PAPPA: variants seen among roughly 807,000 people sequenced by gnomAD.
The protein encoded by PAPPA is pappalysin-1.
A neutral mutation model predicts 164.0 loss-of-function variants in PAPPA; 60 were observed. The observed-to-expected ratio is 0.37, with a 90% CI of 0.30 to 0.45. The LOEUF is 0.45. Ranked by LOEUF, PAPPA falls within the 20% of genes least tolerant of loss-of-function variation. The pLI is 1.00. For synonymous variants in PAPPA, 875 were observed against 814.1 expected, an observed-to-expected ratio of 1.07 and a Z score of -1.27; for missense variants, 1,782 against 2,087.3, an observed-to-expected ratio of 0.85 and a Z score of 2.85.
chr9:116,259,020 C>T (rs141507198), intron 7 of PAPPA, among the ~76,000 whole-genome samples: 1,945 of 152,154 alleles, frequency 0.013, 17 homozygotes, highest in East Asian at 0.046. Flanking sequence ...GTAATCCCAG[C>T]TACTTGGGAG....
At chr9:116,284,089 G>T (rs1045207404) in intron 9 of PAPPA, among the ~76,000 whole-genome samples, 1 of 152,104 alleles carries the variant, frequency 6.6e-6, no homozygotes, top group African/African-American at 2.4e-5. Flanking sequence ...TATGTGCCAG[G>T]TTCATGCTAG....
rs901732919 is a variant in PAPPA, at chr9:116,400,955, G to A, written c.*4339G>A. 4 of 152,612 alleles carry A rather than the reference G, an allele frequency of 2.6e-5. No homozygotes were observed. The highest frequency in any genetic ancestry group is 9.7e-5 in the African/African-American group (4 of 41,446). The allele number at this position is 152,612 out of a possible 1,614,324, so 9.5% of individuals were successfully genotyped here. Reference sequence around the variant, plus strand: ...ACTATATACCTACCTCACAGTGGGAGGGCAGGAGATTTTGAGGCCCTGAGG... The same window carrying A: ...ACTATATACCTACCTCACAGTGGGAAGGCAGGAGATTTTGAGGCCCTGAGG... On this transcript the variant is annotated 3_prime_UTR_variant, in exon 22 of 22. Coordinates refer to ENST00000328252, the MANE Select transcript of PAPPA (RefSeq NM_002581.5).
At chr9:116,344,840 A>G (rs1846187288) in intron 14 of PAPPA, 129 bp downstream of exon 14, 1 of 699,136 alleles carries the variant, frequency 1.4e-6, no homozygotes, top group Non-Finnish European at 2.3e-6. Context: ...TGCTCAATAA[A>G]TATTTATTGA....
intron 10 of PAPPA, among the ~76,000 whole-genome samples, chr9:116,308,705 A>AATTAGAG (rs1377660973): frequency 6.6e-6 from 1 of 152,198 alleles, no homozygotes; most frequent in African/African-American, 2.4e-5. Context: ...AACACCGGGA[A>AATTAGAG]AGTGGGCATT....
chr9:116,154,858 G>T lies in PAPPA; in HGVS notation c.415+271G>T, dbSNP rs924236591. Among the ~76,000 whole-genome samples the T allele has an allele frequency of 2.0e-5, 3 of 152,222 alleles. No individual in the cohort carries two copies. The highest frequency in any genetic ancestry group is 2.9e-5 in the Non-Finnish European group (2 of 68,030). Reference sequence around the variant, plus strand: ...CCCCGCGGACCCTCGGCCAGTGAGGGCTGGTTCCCGGAGCCTAGGGCACGT... The same window carrying T: ...CCCCGCGGACCCTCGGCCAGTGAGGTCTGGTTCCCGGAGCCTAGGGCACGT... On this transcript the variant is annotated intron_variant, in intron 1 of 21. Coordinates refer to ENST00000328252, the MANE Select transcript of PAPPA (RefSeq NM_002581.5). The surrounding 1 kb of genome is among the most constrained non-coding windows in gnomAD (Gnocchi z 5.2).
chr9:116,207,418 G>A, intron 2 of PAPPA, 38 bp from the exon 3 acceptor site: 1 of 1,572,012 alleles, frequency 6.4e-7, no homozygotes, highest in Non-Finnish European at 8.6e-7. Context: ...TATCTTTTTG[G>A]GGGCATGATA....
In PAPPA at chr9:116,347,142, C is replaced by T. The variant is rs1225575360; in HGVS notation, c.3897C>T (p.Ser1299=). The T allele has an allele frequency of 1.2e-6, 2 of 1,614,080 alleles. No individual in the cohort carries two copies. Among genetic ancestry groups the T allele is most frequent in the Non-Finnish European group, 8.5e-7 (1 of 1,180,010 alleles). The stretch of plus-strand genomic sequence containing the variant: ...ATCAAGTCTATGCTGCCTCCTTCTC[C>T]TGCCCTGAGGGCACCACCTTTGGCA... The part of the protein sequence containing the change: ...DHHQVYAASF[S]CPEGTTFGSQ... The change falls in exon 15 of 22, where the codon TCC becomes TCT. Residue 1299 remains serine (S), a synonymous_variant. Transcript: ENST00000328252. The surrounding 1 kb of genome is among the most constrained non-coding windows in gnomAD (Gnocchi z 4.5).
At chr9:116,360,394 C>T (rs536744982) in intron 17 of PAPPA, among the ~76,000 whole-genome samples, 4 of 152,290 alleles carry the variant, frequency 2.6e-5, no homozygotes, top group Non-Finnish European at 5.9e-5. Flanking sequence ...ACCCTTCTCC[C>T]AAGGCCAGAG....
chr9:116,293,641 A>G (rs1367718323), intron 9 of PAPPA, among the ~76,000 whole-genome samples: 6 of 152,240 alleles, frequency 3.9e-5, no homozygotes, highest in African/African-American at 9.6e-5. Flanking sequence ...GGAAGTTAAA[A>G]TTTTGTAGGA....
intron 21 of PAPPA, among the ~76,000 whole-genome samples, chr9:116,387,548 AT>A (rs547573883): frequency 2.0e-5 from 3 of 152,022 alleles, no homozygotes; most frequent in Non-Finnish European, 4.4e-5. Flanking sequence ...TAATTTTCAT[AT>A]TTTTTGTAGA....
rs79537882 is a variant in PAPPA, at chr9:116,212,550, C to A, written c.1918+618C>A. The stretch of plus-strand genomic sequence containing the variant: ...GAGTTTTTGTGTTAGTCACAATGCA[C>A]ACAATTGCACATGGCAGGCCAGCAT... On this transcript the variant is annotated intron_variant, in intron 4 of 21. Transcript: ENST00000328252. 4.6e-3 allele frequency among the ~76,000 whole-genome samples: 698 copies of A among 152,300 alleles called. 6 individuals are homozygous for A. Among genetic ancestry groups the A allele is most frequent in the Middle Eastern group, 0.031 (9 of 294 alleles).
At chr9:116,302,259 T>G (rs1845588124) in intron 9 of PAPPA, among the ~76,000 whole-genome samples, 3 of 152,178 alleles carry the variant, frequency 2.0e-5, no homozygotes, top group African/African-American at 7.2e-5. Flanking sequence ...TCTACCTTCT[T>G]TATATATTTT....
chr9:116,214,988 G>A (rs1844352902), intron 4 of PAPPA, among the ~76,000 whole-genome samples: 1 of 152,152 alleles, frequency 6.6e-6, no homozygotes, highest in South Asian at 2.1e-4. Flanking sequence ...TTCACTATAT[G>A]CCAGGTATAG....
chr9:116,379,075 G>A (rs938895723), intron 20 of PAPPA, among the ~76,000 whole-genome samples: 1 of 152,190 alleles, frequency 6.6e-6, no homozygotes, highest in Non-Finnish European at 1.5e-5. Flanking sequence ...TCATTCTGCT[G>A]AGTTGGCGGT....
At chr9:116,208,131 AT>A (rs1435089051) in intron 3 of PAPPA, among the ~76,000 whole-genome samples, 1 of 152,222 alleles carries the variant, frequency 6.6e-6, no homozygotes, top group Non-Finnish European at 1.5e-5. Context: ...TTACATTCAA[AT>A]TATACATATC....
At chr9:116,233,276 G>C (rs1056191675) in intron 6 of PAPPA, among the ~76,000 whole-genome samples, 2 of 152,236 alleles carry the variant, frequency 1.3e-5, no homozygotes, top group African/African-American at 2.4e-5. Flanking sequence ...ACAATCAGAT[G>C]AGTTAACTAA....
At chr9:116,316,739 A>T (rs7037445) in intron 10 of PAPPA, among the ~76,000 whole-genome samples, 1,624 of 152,320 alleles carry the variant, frequency 0.011, 23 homozygotes, top group African/African-American at 0.035. Flanking sequence ...TGCTGTTAAA[A>T]ACATAAGTGA....
chr9:116,300,524 G>A (rs550296893), intron 9 of PAPPA, among the ~76,000 whole-genome samples: 3 of 152,200 alleles, frequency 2.0e-5, no homozygotes, highest in African/African-American at 7.2e-5. Flanking sequence ...GCCTGCCTTG[G>A]CTCTCCCCAA....
intron 9 of PAPPA, among the ~76,000 whole-genome samples, chr9:116,282,924 A>C (rs1845284850): frequency 6.6e-6 from 1 of 152,234 alleles, no homozygotes; most frequent in Admixed American, 6.5e-5. Context: ...TCTCTAAGCC[A>C]ATACTGATTA....
Sources: gnomAD v4.1 joint callset for allele counts (sites outside exome capture counted in the v4.1 genomes callset) on GRCh38, gnomAD v4.1.1 for gene constraint, Gnocchi (gnomAD v3.1) non-coding constraint, MANE v1.5 for transcripts, NCBI Gene and HGNC (gene_info 2026-07-23, HGNC 2026-07-21) for gene names.